Variants in STARD13 observed in about 807,000 individuals in gnomAD.
STARD13 encodes StAR related lipid transfer domain containing 13, also known as stAR-related lipid transfer protein 13.
STARD13 carries 62 observed loss-of-function variants against 106.4 expected under a neutral mutation model. That is an observed-to-expected ratio of 0.58 (90% CI 0.48 to 0.72). The LOEUF is 0.72. Among genes scored for constraint, STARD13 ranks in the 30% least tolerant of loss-of-function variants. The pLI is 0.00. For missense variants in STARD13, 1,387 were observed against 1,424.0 expected (o/e 0.97, Z 0.42); for synonymous variants, 565 against 553.0 (o/e 1.02, Z -0.31).
the STARD13 span, among the ~76,000 whole-genome samples, chr13:33,621,268 G>A: frequency 6.6e-6 from 1 of 152,040 alleles, no homozygotes; most frequent in Non-Finnish European, 1.5e-5. Context: ...AGGAACTATT[G>A]CTGCATATAG....
the STARD13 span, among the ~76,000 whole-genome samples, chr13:33,594,196 T>C: frequency 1.3e-5 from 2 of 152,154 alleles, no homozygotes; most frequent in Admixed American, 6.5e-5. Context: ...TGCCAATGAA[T>C]AGCACCTACT....
chr13:33,326,858 C>A (rs2138546466), intron 1 of STARD13, among the ~76,000 whole-genome samples: 1 of 152,270 alleles, frequency 6.6e-6, no homozygotes, highest in South Asian at 2.1e-4. Context: ...AGATGTTTAT[C>A]CCCCTTTAAG....
chr13:33,135,696 C>A (rs1327569778), intron 4 of STARD13, among the ~76,000 whole-genome samples: 1 of 152,172 alleles, frequency 6.6e-6, no homozygotes, highest in East Asian at 1.9e-4. Flanking sequence ...CCTTAAAAAA[C>A]CTTTCTTCAC....
At chr13:33,557,869 G>A in the STARD13 span, among the ~76,000 whole-genome samples, 1 of 152,170 alleles carries the variant, frequency 6.6e-6, no homozygotes, top group Non-Finnish European at 1.5e-5. Flanking sequence ...AGAATTTAGG[G>A]AGAACGAGAT....
intron 1 of STARD13, among the ~76,000 whole-genome samples, chr13:33,204,629 A>T (rs764811085): frequency 5.9e-5 from 9 of 152,252 alleles, no homozygotes; most frequent in Non-Finnish European, 1.2e-4. Context: ...GAAAAGCAGA[A>T]ATAGATCAAT....
chr13:33,661,961 A>G, the STARD13 span, among the ~76,000 whole-genome samples: 3,332 of 152,062 alleles, frequency 0.022, 141 homozygotes, highest in African/African-American at 0.077. Context: ...CAAATATGTC[A>G]TCATTAAAGT....
chr13:33,549,438 T>C, the STARD13 span, among the ~76,000 whole-genome samples: 2,443 of 152,300 alleles, frequency 0.016, 54 homozygotes, highest in African/African-American at 0.056. Flanking sequence ...CCAAAATCTA[T>C]TGAATGAGAA....
At chr13:33,584,124 CTTG>C in the STARD13 span, among the ~76,000 whole-genome samples, 3 of 152,318 alleles carry the variant, frequency 2.0e-5, no homozygotes, top group East Asian at 3.9e-4. Flanking sequence ...TTTGCCAACA[CTTG>C]TTATTTTATT....
chr13:33,324,655 A>G (rs957386321), intron 1 of STARD13, among the ~76,000 whole-genome samples: 7 of 152,136 alleles, frequency 4.6e-5, no homozygotes, highest in Non-Finnish European at 1.5e-5. Flanking sequence ...AATGGACTTC[A>G]TTGCTTTCTG....
chr13:33,226,495 C>T (rs1447696848), intron 1 of STARD13, among the ~76,000 whole-genome samples: 1 of 145,876 alleles, frequency 6.9e-6, no homozygotes, highest in Non-Finnish European at 1.5e-5. Flanking sequence ...AGTTCAGTGG[C>T]ACGATCATGG....
the STARD13 span, among the ~76,000 whole-genome samples, chr13:33,538,506 A>C: frequency 6.6e-6 from 1 of 152,110 alleles, no homozygotes; most frequent in South Asian, 2.1e-4. Flanking sequence ...AAGTCTAAAA[A>C]CCAGTTTGAA....
the STARD13 span, among the ~76,000 whole-genome samples, chr13:33,545,277 A>G: frequency 1.3e-5 from 2 of 151,576 alleles, no homozygotes; most frequent in African/African-American, 4.9e-5. Context: ...TTGTATTTTT[A>G]GTAGAGACGG....
At chr13:33,499,285 T>G in the STARD13 span, among the ~76,000 whole-genome samples, 3 of 152,216 alleles carry the variant, frequency 2.0e-5, no homozygotes, top group African/African-American at 7.2e-5. Flanking sequence ...AGTATATTAG[T>G]CAGCTTAAGC....
At chr13:33,272,323 C>T (rs191551051) in intron 1 of STARD13, among the ~76,000 whole-genome samples, 1 of 152,180 alleles carries the variant, frequency 6.6e-6, no homozygotes, top group Non-Finnish European at 1.5e-5. Context: ...TTCAGTGTCA[C>T]GTCAGTGCTC....
chr13:33,493,280 A>T, the STARD13 span, among the ~76,000 whole-genome samples: 2 of 152,150 alleles, frequency 1.3e-5, no homozygotes, highest in Non-Finnish European at 2.9e-5. Context: ...AGATTCAGGG[A>T]TCTTGTCTGG....
chr13:33,640,814 T>C, the STARD13 span, among the ~76,000 whole-genome samples: 1 of 152,160 alleles, frequency 6.6e-6, no homozygotes, highest in Non-Finnish European at 1.5e-5. Flanking sequence ...AGGTGGAGAA[T>C]AGGAATTGTT....
chr13:33,640,533 A>C, the STARD13 span, among the ~76,000 whole-genome samples: 1 of 152,182 alleles, frequency 6.6e-6, no homozygotes, highest in East Asian at 1.9e-4. Flanking sequence ...CTCACTAAGC[A>C]CAAGAGACCC....
At chr13:33,501,882 A>G in the STARD13 span, among the ~76,000 whole-genome samples, 1 of 151,910 alleles carries the variant, frequency 6.6e-6, no homozygotes, top group Non-Finnish European at 1.5e-5. Context: ...TTGGTTCCGT[A>G]TGATCTTTAA....
At chr13:33,135,415 C>T (rs941418549) in intron 4 of STARD13, among the ~76,000 whole-genome samples, 3 of 152,184 alleles carry the variant, frequency 2.0e-5, no homozygotes, top group Non-Finnish European at 4.4e-5. Context: ...TGAGTGACAG[C>T]TGCATGGTAC....
Sources: gnomAD v4.1 joint callset for allele counts (sites outside exome capture counted in the v4.1 genomes callset) on GRCh38, gnomAD v4.1.1 for gene constraint, MANE v1.5 for transcripts, NCBI Gene and HGNC (gene_info 2026-07-23, HGNC 2026-07-21) for gene names.